Variants in ZNF443 observed in about 807,000 individuals in gnomAD.
ZNF443 encodes the protein Kruppel-type zinc finger (C2H2).
ZNF443 carries 3 observed loss-of-function variants against 12.0 expected under a neutral mutation model. The ratio of observed to expected loss-of-function variants is 0.25; its 90% confidence interval spans 0.11 to 0.64. The LOEUF (loss-of-function observed/expected upper bound fraction) is 0.64, where lower values mean the gene tolerates loss of function less well. Ranked by LOEUF, ZNF443 falls within the 30% of genes least tolerant of loss-of-function variation. The probability of loss-of-function intolerance (pLI) is 0.84; values close to 1 mark genes in which losing one functional copy is unlikely to be tolerated. For missense variants in ZNF443, 770 were observed against 808.8 expected (o/e 0.95, Z 0.58); for synonymous variants, 225 against 265.9 (o/e 0.85, Z 1.50).
chr19:12,429,792 CAT>C lies in ZNF443; in HGVS notation c.*362_*363del, dbSNP rs1207876890. On this transcript the variant is annotated 3_prime_UTR_variant, in exon 4 of 4. Coordinates refer to ENST00000301547, the MANE Select transcript of ZNF443 (RefSeq NM_005815.5). ...AATTACTGCATCTATACTGAAAATA[CAT>C]AGACTCTTTTCCTTATCATGATTCC... 1.3e-5 allele frequency: 4 copies of C among 309,940 alleles called. No individual in the cohort carries two copies. Among genetic ancestry groups the C allele is most frequent in the East Asian group, 7.0e-5 (1 of 14,308 alleles). The allele number at this position is 309,940 out of a possible 1,614,324, so 19.2% of individuals were successfully genotyped here. A position where few individuals can be genotyped will look rare whatever the true frequency, so the allele number is the denominator to read the frequency against.
In ZNF443 at chr19:12,430,326, A is replaced by T. The variant is rs369679472; in HGVS notation, c.1846T>A (p.Tyr616Asn). The T allele has an allele frequency of 6.2e-7, 1 of 1,613,714 alleles. No homozygotes were observed. The highest frequency in any genetic ancestry group is 1.7e-5 in the Admixed American group (1 of 59,984). The change falls in exon 4 of 4, where the codon TAT becomes AAT. Residue 616 changes from tyrosine to asparagine, a missense_variant. Tyr to Asn is a moderately radical substitution (Grantham distance 143). Around this residue, in one of 3 missense-constraint regions of ZNF443, gnomAD observed 736 missense variants for 689.4 expected, o/e 1.07. Coordinates refer to ENST00000301547, the MANE Select transcript of ZNF443 (RefSeq NM_005815.5). ...HEKTHTGENP[Y>N]ECKECGKAFA... is the part of the protein sequence containing the mutation. ...GCTTTCCCACATTCCTTACATTCATACGGGTTCTCTCCAGTATGAGTTTTT... is the reference window on the plus strand; with the variant it reads ...GCTTTCCCACATTCCTTACATTCATTCGGGTTCTCTCCAGTATGAGTTTTT...
intron 1 of ZNF443, among the ~76,000 whole-genome samples, chr19:12,440,697 G>C (rs534352412): frequency 6.6e-6 from 1 of 152,212 alleles, no homozygotes; most frequent in South Asian, 2.1e-4. Context: ...AGGGCGCCGG[G>C]GCCGCAGTCG....
chr19:12,435,241 G>T (rs1014322892), intron 1 of ZNF443, among the ~76,000 whole-genome samples: 3 of 152,132 alleles, frequency 2.0e-5, no homozygotes, highest in Non-Finnish European at 2.9e-5. Flanking sequence ...CTCCCAAAGT[G>T]CTAGGATTAC....
At chr19:12,440,823 T>C (rs1970357290) in intron 1 of ZNF443, 89 bp downstream of exon 1, 1 of 1,608,922 alleles carries the variant, frequency 6.2e-7, no homozygotes, top group Non-Finnish European at 8.5e-7. Context: ...GAAGTCGCCC[T>C]TGGGGAGGCC....
rs146038087 is a variant in ZNF443 at position 12,430,779 on chromosome 19, G to C, written c.1393C>G (p.Arg465Gly). The C allele has an allele frequency of 1.4e-5, 22 of 1,613,882 alleles. No individual in the cohort carries two copies. In the Admixed American group the frequency reaches 3.7e-4, roughly 27 times the overall value. Residue 465 changes from arginine (R) to glycine (G), a missense_variant, in exon 4 of 4, where the codon CGA (arginine) becomes GGA (glycine). Coordinates refer to ENST00000301547, the MANE Select transcript of ZNF443 (RefSeq NM_005815.5). Reference sequence around the variant, plus strand: ...CCAGTATGAGTTGTTTCATGCCTTCGAAGGGAACTGGAAATACGGTAGGCT... The same window carrying C: ...CCAGTATGAGTTGTTTCATGCCTTCCAAGGGAACTGGAAATACGGTAGGCT... ...GKAYRISSSL[R>G]RHETTHTGEK...
Position 12,432,258 on chromosome 19 carries a change from T to G in ZNF443, c.191+119A>C, listed in dbSNP as rs573661454. ...TTTAAGTATATATTTTGGAGAAAAT[T>G]TTCTAAGAATAAATAAATTTAAGCT... On this transcript the variant is annotated intron_variant, in intron 3 of 3. Coordinates refer to ENST00000301547, the MANE Select transcript of ZNF443 (RefSeq NM_005815.5). 5.0e-5 allele frequency: 46 copies of G among 928,136 alleles called. 1 individual carries two copies. The South Asian group carries it at 6.1e-4, about 12-fold the overall frequency. 57.5% of individuals were successfully genotyped at this position (928,136 alleles called of 1,614,324 possible).
In ZNF443 at chr19:12,432,227, G is replaced by A. The variant is rs1599620740; in HGVS notation, c.191+150C>T. 4 of 701,382 alleles carry A rather than the reference G, an allele frequency of 5.7e-6. No homozygotes were observed. The East Asian group carries it at 1.1e-4, about 19-fold the overall frequency. 43.4% of individuals were successfully genotyped at this position (701,382 alleles called of 1,614,324 possible). On this transcript the variant is annotated intron_variant, in intron 3 of 3. Transcript: ENST00000301547. ...TAATTTATGAACACTGAACAGCTAT[G>A]GAACATTTAAGTATATATTTTGGAG...
At chr19:12,432,270 A>C in intron 3 of ZNF443, 107 bp downstream of exon 3, 2 of 1,042,920 alleles carry the variant, frequency 1.9e-6, no homozygotes, top group Admixed American at 5.4e-5. Flanking sequence ...TCTAAGAATA[A>C]ATAAATTTAA....
chr19:12,437,407 C>CAA lies in ZNF443; in HGVS notation c.3+3503_3+3504dup, dbSNP rs565623288. ...TAGGTGATAGAGCAAGAACCTGTCT[C>CAA]AAAAAAAAAAAAGAAACAAAGAAAC... is the stretch of plus-strand genomic sequence containing the variant. On this transcript the variant is annotated intron_variant, in intron 1 of 3. Coordinates refer to ENST00000301547, the MANE Select transcript of ZNF443 (RefSeq NM_005815.5). 4.1e-4 allele frequency among the ~76,000 whole-genome samples: 31 copies of CAA among 75,332 alleles called. 1 individual carries two copies. Among genetic ancestry groups the CAA allele is most frequent in the African/African-American group, 1.5e-3 (24 of 16,328 alleles). The allele number at this position is 75,332 out of a possible 152,430, so 49.4% of individuals were successfully genotyped here.
Position 12,440,965 on chromosome 19 carries a change from T to C in ZNF443, c.-51A>G, listed in dbSNP as rs774962128. 6.8e-6 allele frequency: 11 copies of C among 1,613,756 alleles called. No homozygotes were observed. The highest frequency in any genetic ancestry group is 9.3e-6 in the Non-Finnish European group (11 of 1,179,872). The stretch of plus-strand genomic sequence containing the variant: ...TCCTACCGACAGCTCCCGCTGCCAA[T>C]GCGTGTTCCAGCCAGACAAAGGCTG... On this transcript the variant is annotated 5_prime_UTR_variant, in exon 1 of 4. Coordinates refer to ENST00000301547, the MANE Select transcript of ZNF443 (RefSeq NM_005815.5).
At position 12,431,620 on chromosome 19, in the gene ZNF443, A is replaced by T; in HGVS notation, c.552T>A (p.Leu184=). The part of the protein sequence containing the change: ...CGKSFSSLGN[L]QRHMAVQRGD... ...CACGCTGCACTGCCATGTGTCTTTG[A>T]AGGTTTCCCAAAGAACTGAAGGACT... The change falls in exon 4 of 4, where the codon CTT becomes CTA. Residue 184 remains leucine (L), a synonymous_variant. Coordinates refer to ENST00000301547, the MANE Select transcript of ZNF443 (RefSeq NM_005815.5). The T allele has an allele frequency of 6.2e-7, 1 of 1,614,156 alleles. No individual in the cohort carries two copies. Among genetic ancestry groups the T allele is most frequent in the Admixed American group, 1.7e-5 (1 of 60,014 alleles).
At position 12,430,567 on chromosome 19, in the gene ZNF443, T is replaced by G. The variant is rs151248579; in HGVS notation, c.1605A>C (p.Lys535Asn). 5.1e-5 allele frequency: 83 copies of G among 1,613,880 alleles called. No homozygotes were observed. The highest frequency in any genetic ancestry group is 3.4e-4 in the South Asian group (31 of 91,074). The change falls in exon 4 of 4, where the codon AAA becomes AAC. Residue 535 changes from lysine (K) to asparagine (N), a missense_variant. By Grantham distance (94) the Lys-to-Asn change is moderately conservative. This residue lies in a region of ZNF443 where 736 missense variants were observed against 689.4 expected (regional missense o/e 1.07). Coordinates refer to ENST00000301547, the MANE Select transcript of ZNF443 (RefSeq NM_005815.5). ...THTGEKPYEC[K>N]TCRKAFGHYD... is the part of the protein sequence containing the mutation. ...AATGACCGAAGGCTTTCCTACATGT[T>G]TTACACTCATAAGGTTTCTCTCCTG...
At chr19:12,434,540 C>T (rs374967103) in intron 1 of ZNF443, among the ~76,000 whole-genome samples, 5 of 152,152 alleles carry the variant, frequency 3.3e-5, no homozygotes, top group South Asian at 2.1e-4. Context: ...ATAACTAAAA[C>T]GGACCTTTTA....
Position 12,430,854 on chromosome 19 carries a change from C to G in ZNF443, c.1318G>C (p.Glu440Gln), listed in dbSNP as rs1166923090. 5 of 1,614,034 alleles carry G rather than the reference C, an allele frequency of 3.1e-6. No homozygotes were observed. Among genetic ancestry groups the G allele is most frequent in the Non-Finnish European group, 3.4e-6 (4 of 1,180,004 alleles). Reference protein sequence around the residue: ...FVYPSVFQRHERTHTAEKPYK... With the variant: ...FVYPSVFQRHQRTHTAEKPYK... Reference sequence around the variant, plus strand: ...GGTTTCTCTGCAGTGTGAGTCCTTTCATGTCTTTGAAATACACTGGGATAA... The same window carrying G: ...GGTTTCTCTGCAGTGTGAGTCCTTTGATGTCTTTGAAATACACTGGGATAA... Residue 440 changes from glutamate to glutamine, a missense_variant, in exon 4 of 4, where the codon GAA (glutamate) becomes CAA (glutamine). Glu to Gln is a conservative substitution (Grantham distance 29). Coordinates refer to ENST00000301547, the MANE Select transcript of ZNF443 (RefSeq NM_005815.5).
At position 12,440,963 on chromosome 19, in the gene ZNF443, A is replaced by AT; in HGVS notation, c.-50_-49insA. 6.2e-7 allele frequency: 1 copy of AT among 1,613,902 alleles called. No homozygotes were observed. Among genetic ancestry groups the AT allele is most frequent in the Non-Finnish European group, 8.5e-7 (1 of 1,179,872 alleles). Reference sequence around the variant, plus strand: ...GGTCCTACCGACAGCTCCCGCTGCCAATGCGTGTTCCAGCCAGACAAAGGC... The same window carrying AT: ...GGTCCTACCGACAGCTCCCGCTGCCATATGCGTGTTCCAGCCAGACAAAGGC... On this transcript the variant is annotated 5_prime_UTR_variant, in exon 1 of 4. The change creates a new upstream start codon in the 5' untranslated region. Coordinates refer to ENST00000301547, the MANE Select transcript of ZNF443 (RefSeq NM_005815.5).
At position 12,430,936 on chromosome 19, in the gene ZNF443, C is replaced by T. The variant is rs771025488; in HGVS notation, c.1236G>A (p.Met412Ile). The change falls in exon 4 of 4, where the codon ATG becomes ATA. Residue 412 changes from methionine to isoleucine, a missense_variant. Physicochemically the swap from Met to Ile is conservative, Grantham distance 10 (BLOSUM62 1). This residue lies in a region of ZNF443 where 736 missense variants were observed against 689.4 expected (regional missense o/e 1.07). Transcript: ENST00000301547. ...GAGGTCCATCTCCAGTGTGCATTAT[C>T]ATATGACTTCGAAAGCTTGAGCGAT... ...LSHRSSFRSH[M>I]IMHTGDGPHK... 5.0e-6 allele frequency: 8 copies of T among 1,613,754 alleles called. No homozygotes were observed.
rs769685339 is a variant in ZNF443, at chr19:12,430,432, T to G, written c.1740A>C (p.Arg580Ser). 121 of 1,573,930 alleles carry G rather than the reference T, an allele frequency of 7.7e-5. No homozygotes were observed. The South Asian group carries it at 1.0e-3, about 13-fold the overall frequency. ...CATAGGATTTCTCTCTCATGTGAAT[T>G]CTTTCATGTCGTAGAAAGCAAGTGA... is the stretch of plus-strand genomic sequence containing the variant. ...SWLTCFLRHE[R>S]IHMREKSYEC... The change falls in exon 4 of 4, where the codon AGA becomes AGC. Residue 580 changes from arginine (R) to serine (S), a missense_variant. Physicochemically the swap from Arg to Ser is moderately radical, Grantham distance 110. Around this residue, in one of 3 missense-constraint regions of ZNF443, gnomAD observed 736 missense variants for 689.4 expected, o/e 1.07. Coordinates refer to ENST00000301547, the MANE Select transcript of ZNF443 (RefSeq NM_005815.5).
intron 1 of ZNF443, among the ~76,000 whole-genome samples, chr19:12,440,261 C>T (rs1970351757): frequency 1.3e-5 from 2 of 150,110 alleles, no homozygotes; most frequent in Non-Finnish European, 1.5e-5. Context: ...GGCCGCCTCC[C>T]TGAGAGTCAG....
At chr19:12,438,090 C>T (rs1045051116) in intron 1 of ZNF443, among the ~76,000 whole-genome samples, 1 of 141,408 alleles carries the variant, frequency 7.1e-6, no homozygotes, top group Admixed American at 7.1e-5. Flanking sequence ...AACAGAGATG[C>T]TGTCTCAAAA....
Sources: allele counts gnomAD v4.1 joint callset (sites outside exome capture counted in the v4.1 genomes callset), GRCh38; gene constraint gnomAD v4.1.1; regional missense constraint gnomAD v4.1.1; transcripts MANE v1.5; gene names NCBI Gene and HGNC (gene_info 2026-07-23, HGNC 2026-07-21).